The following IL1RAPL1 variants were observed in gnomAD, a reference collection of about 807,000 sequenced individuals.
The protein encoded by IL1RAPL1 is interleukin 1 receptor accessory protein like 1, also known as interleukin-1 receptor accessory protein-like 1.
In IL1RAPL1, 3 loss-of-function variants were observed where a neutral mutation model predicts 48.4. The ratio of observed to expected loss-of-function variants is 0.06; its 90% CI spans 0.03 to 0.16. The LOEUF (loss-of-function observed/expected upper bound fraction) is 0.16, where lower values mean the gene tolerates loss of function less well. Among genes scored for constraint, IL1RAPL1 ranks in the 10% least tolerant of loss-of-function variants. The probability of loss-of-function intolerance (pLI) is 1.00; values close to 1 mark genes in which losing one functional copy is unlikely to be tolerated. For synonymous variants in IL1RAPL1, 185 were observed against 187.7 expected, an observed-to-expected ratio of 0.99 and a Z score of 0.12; for missense variants, 349 against 530.6, an observed-to-expected ratio of 0.66 and a Z score of 3.36.
At chrX:29,113,901 C>A (rs1928623546) in intron 2 of IL1RAPL1, among the ~76,000 whole-genome samples, 1 of 111,397 alleles carries the variant, frequency 9.0e-6, no homozygotes, top group South Asian at 3.7e-4. Flanking sequence ...TGATAGGCAT[C>A]TTTGATTTGT....
At chrX:29,490,219 A>C (rs1935141008) in intron 5 of IL1RAPL1, among the ~76,000 whole-genome samples, 1 of 111,694 alleles carries the variant, frequency 9.0e-6, no homozygotes, top group Admixed American at 9.6e-5. Context: ...AAAATTTAAA[A>C]AAAAAGCCAT....
intron 2 of IL1RAPL1, among the ~76,000 whole-genome samples, chrX:29,208,450 G>A (rs896055761): frequency 6.3e-5 from 7 of 111,071 alleles, no homozygotes; most frequent in South Asian, 3.8e-4. Flanking sequence ...GGTGGCTCAC[G>A]CCTGTAATCC....
intron 2 of IL1RAPL1, among the ~76,000 whole-genome samples, chrX:29,190,869 T>C (rs1222111622): frequency 8.9e-6 from 1 of 112,237 alleles, no homozygotes; most frequent in African/African-American, 3.2e-5. Context: ...TTTAAAATCT[T>C]GTATCCAACT....
Position 29,133,968 on chromosome X carries a change from C to G in IL1RAPL1, c.83-148970C>G, listed in dbSNP as rs186805528. Among the ~76,000 whole-genome samples the G allele has an allele frequency of 2.2e-3, 244 of 111,654 alleles. 1 individual carries two copies. The highest frequency in any genetic ancestry group is 3.8e-3 in the Non-Finnish European group (200 of 53,095). ...GTAGCCTTTTCAGATTGGCTTATTT[C>G]ACTTAGTGATATGCATTTCAATTTC... is the stretch of plus-strand genomic sequence containing the variant. On this transcript the variant is annotated intron_variant, in intron 2 of 10. Coordinates refer to ENST00000378993, the MANE Select transcript of IL1RAPL1 (RefSeq NM_014271.4).
chrX:29,936,108 G>A (rs1465779918), intron 8 of IL1RAPL1, among the ~76,000 whole-genome samples: 3 of 107,264 alleles, frequency 2.8e-5, no homozygotes, highest in East Asian at 2.9e-4. Flanking sequence ...CCCACCCCCC[G>A]CAAAAATAAC....
rs56036278 is a variant in IL1RAPL1, at chrX:28,873,676, A to C, written c.82+84251A>C. Among the ~76,000 whole-genome samples the C allele has an allele frequency of 8.0e-3, 851 of 106,800 alleles. 9 individuals are homozygous for C. Among genetic ancestry groups the C allele is most frequent in the African/African-American group, 0.023 (671 of 29,367 alleles). 92.7% of individuals were successfully genotyped at this position (106,800 alleles called of 115,157 possible). A position where few individuals can be genotyped will look rare whatever the true frequency, so the allele number is the denominator to read the frequency against. On this transcript the variant is annotated intron_variant, in intron 2 of 10. Transcript: ENST00000378993. ...CCTCCCAAGTAGCTGGGACTACAGGAGCCCGCCACCACAGCCGGCTAATTT... is the reference window on the plus strand; with the variant it reads ...CCTCCCAAGTAGCTGGGACTACAGGCGCCCGCCACCACAGCCGGCTAATTT...
intron 2 of IL1RAPL1, among the ~76,000 whole-genome samples, chrX:29,102,674 A>G (rs766716627): frequency 1.2e-3 from 131 of 110,965 alleles, no homozygotes; most frequent in African/African-American, 4.2e-3. Flanking sequence ...CTCAAAAAAA[A>G]AAAAAAAGTA....
intron 6 of IL1RAPL1, among the ~76,000 whole-genome samples, chrX:29,678,417 C>T (rs1456611437): frequency 4.4e-5 from 4 of 90,172 alleles, no homozygotes; most frequent in African/African-American, 1.8e-4. Flanking sequence ...TGCAGTGGCG[C>T]GATCTCGGCT....
chrX:29,130,309 A>G (rs192565699), intron 2 of IL1RAPL1, among the ~76,000 whole-genome samples: 11 of 112,379 alleles, frequency 9.8e-5, no homozygotes, highest in African/African-American at 3.2e-4. Context: ...ATCATTTATA[A>G]TTGTGAGAGT....
chrX:28,982,512 T>C (rs66464794), intron 2 of IL1RAPL1, among the ~76,000 whole-genome samples: 4,104 of 112,244 alleles, frequency 0.037, 95 homozygotes, highest in East Asian at 0.068. Flanking sequence ...AGCCAAAATA[T>C]AACACCACAC....
chrX:28,728,117 G>C (rs765064144), intron 1 of IL1RAPL1, among the ~76,000 whole-genome samples: 1 of 111,398 alleles, frequency 9.0e-6, no homozygotes, highest in South Asian at 3.7e-4. Context: ...TCATTAGAGT[G>C]TATATGAGAT....
At chrX:29,647,645 A>G (rs1925376591) in intron 5 of IL1RAPL1, among the ~76,000 whole-genome samples, 1 of 111,823 alleles carries the variant, frequency 8.9e-6, no homozygotes, top group Non-Finnish European at 1.9e-5. Context: ...AAAACTTATA[A>G]TAGATACACT....
At chrX:29,107,438 T>C (rs1928470685) in intron 2 of IL1RAPL1, among the ~76,000 whole-genome samples, 1 of 112,247 alleles carries the variant, frequency 8.9e-6, no homozygotes, top group Non-Finnish European at 1.9e-5. Context: ...GAAAACACTT[T>C]GCATTTGAGA....
chrX:29,284,244 G>A (rs934713796), intron 3 of IL1RAPL1, among the ~76,000 whole-genome samples: 7 of 111,834 alleles, frequency 6.3e-5, no homozygotes, highest in African/African-American at 2.0e-4. Flanking sequence ...CCCTCTCACC[G>A]TCATCTCTAA....
chrX:29,170,227 A>T (rs969243614), intron 2 of IL1RAPL1, among the ~76,000 whole-genome samples: 7 of 111,564 alleles, frequency 6.3e-5, no homozygotes, highest in Admixed American at 1.9e-4. Flanking sequence ...TCCCCTTTCA[A>T]TTCATGTAGA....
At chrX:28,868,919 C>T (rs2147306860) in intron 2 of IL1RAPL1, among the ~76,000 whole-genome samples, 1 of 111,758 alleles carries the variant, frequency 8.9e-6, no homozygotes, top group Admixed American at 9.6e-5. Context: ...TCTTAATTAT[C>T]CATTTAGGAT....
At chrX:29,670,270 C>A (rs1926107318) in intron 6 of IL1RAPL1, among the ~76,000 whole-genome samples, 1 of 111,356 alleles carries the variant, frequency 9.0e-6, no homozygotes, top group African/African-American at 3.3e-5. Context: ...CTAACCACAG[C>A]AAATTAAAAA....
At chrX:29,799,217 T>C (rs998467506) in intron 6 of IL1RAPL1, among the ~76,000 whole-genome samples, 3 of 112,683 alleles carry the variant, frequency 2.7e-5, no homozygotes, top group African/African-American at 9.6e-5. Flanking sequence ...TCTCAGTTTA[T>C]GGATGTTTTA....
At chrX:29,344,635 T>G (rs767627316) in intron 3 of IL1RAPL1, among the ~76,000 whole-genome samples, 41 of 111,186 alleles carry the variant, frequency 3.7e-4, no homozygotes, top group Non-Finnish European at 4.9e-4. Flanking sequence ...ATGTTTTTTT[T>G]GTTTTTGTTT....
Sources: allele counts gnomAD v4.1 joint callset (sites outside exome capture counted in the v4.1 genomes callset), GRCh38; gene constraint gnomAD v4.1.1; transcripts MANE v1.5; gene names NCBI Gene and HGNC (gene_info 2026-07-23, HGNC 2026-07-21).